The following NDUFB4 variants were observed in gnomAD, a reference collection of about 807,000 sequenced individuals.
The protein encoded by NDUFB4 is NADH dehydrogenase [ubiquinone] 1 beta subcomplex subunit 4.
A neutral mutation model predicts 14.5 loss-of-function variants in NDUFB4; 10 were observed. That is an observed-to-expected ratio of 0.69 (90% CI 0.43 to 1.17). The LOEUF (loss-of-function observed/expected upper bound fraction) is 1.17. Among genes scored for constraint, NDUFB4 ranks in the 50% most tolerant of loss-of-function variants. NDUFB4 has a pLI of 0.00. For synonymous variants in NDUFB4, 65 were observed against 63.4 expected (o/e 1.03, Z -0.12); for missense variants, 165 against 161.1 (o/e 1.02, Z -0.13).
chr3:120,600,418 A>G (rs575263620), intron 1 of NDUFB4, among the ~76,000 whole-genome samples: 1 of 152,260 alleles, frequency 6.6e-6, no homozygotes, highest in African/African-American at 2.4e-5. Context: ...ATTCATGGAT[A>G]GTTATTCTAG....
At position 120,596,359 on chromosome 3, in the gene NDUFB4, G is replaced by A. The variant is rs1353055648; in HGVS notation, c.-1G>A. The A allele has an allele frequency of 6.2e-7, 1 of 1,613,952 alleles. No homozygotes were observed. The highest frequency in any genetic ancestry group is 1.1e-5 in the South Asian group (1 of 91,038). On this transcript the variant is annotated 5_prime_UTR_variant, in exon 1 of 3. Coordinates refer to ENST00000184266, the MANE Select transcript of NDUFB4 (RefSeq NM_004547.6). ...GCGCAATTGTGCCCTGGTTCGCCAA[G>A]ATGTCGTTCCCAAAGTATAAGCCGT...
intron 1 of NDUFB4, among the ~76,000 whole-genome samples, chr3:120,600,136 T>TGAGACGGAGTCTCGCTCTGTCGCCC (rs1940033853): frequency 6.9e-6 from 1 of 144,926 alleles, no homozygotes; most frequent in Admixed American, 6.9e-5. Context: ...TTTTTTTTTT[T>TGAGACGGAGTCTCGCTCTGTCGCCC]AAACTTCTGA....
At chr3:120,598,133 A>G (rs547431953) in intron 1 of NDUFB4, among the ~76,000 whole-genome samples, 1 of 150,880 alleles carries the variant, frequency 6.6e-6, no homozygotes, top group Non-Finnish European at 1.5e-5. Context: ...GCTCACTGCA[A>G]CCTCTGCCTC....
intron 1 of NDUFB4, among the ~76,000 whole-genome samples, chr3:120,597,040 ATATT>A (rs1939973897): frequency 6.8e-6 from 1 of 146,114 alleles, no homozygotes; most frequent in Admixed American, 6.9e-5. Context: ...ATATGCATAT[ATATT>A]ATATTCTATA....
chr3:120,601,644 A>G, intron 2 of NDUFB4: 1 of 1,044,120 alleles, frequency 9.6e-7, no homozygotes, highest in Non-Finnish European at 1.2e-6. Flanking sequence ...TGTGTGGGGA[A>G]TAGCTGCCGT....
chr3:120,602,228 C>T lies in NDUFB4; in HGVS notation c.348C>T (p.Ile116=). 1 of 1,610,894 alleles carries T rather than the reference C, an allele frequency of 6.2e-7. No homozygotes were observed. The part of the protein sequence containing the change: ...KTERDRKEKL[I]QEGKLDRTFH... ...TACAGGATAGGAAAGAAAAACTTAT[C>T]CAGGAAGGAAAATTGGATCGAACAT... Residue 116 remains isoleucine (I), a synonymous_variant, in exon 3 of 3, where the codon ATC becomes ATT. Transcript: ENST00000184266.
In NDUFB4 at chr3:120,602,304, A is replaced by G. The variant is rs2107473241; in HGVS notation, c.*34A>G. The G allele has an allele frequency of 1.3e-6, 2 of 1,525,902 alleles. No homozygotes were observed. The highest frequency in any genetic ancestry group is 2.3e-5 in the East Asian group (1 of 44,416). 94.5% of individuals were successfully genotyped at this position (1,525,902 alleles called of 1,614,324 possible). On this transcript the variant is annotated 3_prime_UTR_variant, in exon 3 of 3. Transcript: ENST00000184266. ...ATGATGACTATATGTATTCCTGCCTAAATAAATCATCTATTAATCATTAAG... is the reference window on the plus strand; with the variant it reads ...ATGATGACTATATGTATTCCTGCCTGAATAAATCATCTATTAATCATTAAG...
chr3:120,601,143 A>C lies in NDUFB4; in HGVS notation c.213A>C (p.Ala71=). ...CTGCCTTGCTTCGTTGGGCCTATGCAAGAACAATAAATGTCTATCCTAATT... is the reference window on the plus strand; with the variant it reads ...CTGCCTTGCTTCGTTGGGCCTATGCCAGAACAATAAATGTCTATCCTAATT... ...ENPALLRWAY[A]RTINVYPNFR... Residue 71 remains alanine (A), a synonymous_variant, in exon 2 of 3, where the codon GCA becomes GCC. Transcript: ENST00000184266. 1 of 1,613,698 alleles carries C rather than the reference A, an allele frequency of 6.2e-7. No individual in the cohort carries two copies. Among genetic ancestry groups the C allele is most frequent in the Non-Finnish European group, 8.5e-7 (1 of 1,179,932 alleles).
At chr3:120,601,945 A>C in intron 2 of NDUFB4, 1 of 1,211,574 alleles carries the variant, frequency 8.3e-7, no homozygotes, top group Non-Finnish European at 1.0e-6. Flanking sequence ...TCTAATGACT[A>C]AAATGTGAGT....
intron 1 of NDUFB4, among the ~76,000 whole-genome samples, chr3:120,599,625 C>G (rs1049377911): frequency 1.3e-5 from 2 of 152,044 alleles, no homozygotes; most frequent in Non-Finnish European, 2.9e-5. Context: ...GAGGAAAACT[C>G]TCTTCATAGT....
At chr3:120,599,648 A>G (rs536432905) in intron 1 of NDUFB4, among the ~76,000 whole-genome samples, 36 of 152,186 alleles carry the variant, frequency 2.4e-4, no homozygotes, top group Admixed American at 5.9e-4. Context: ...GTCTTTTGGA[A>G]CCTCTCAATA....
intron 1 of NDUFB4, 139 bp downstream of exon 1, chr3:120,596,678 C>T (rs1408839882): frequency 1.0e-6 from 1 of 959,532 alleles, no homozygotes; most frequent in East Asian, 2.6e-5. Flanking sequence ...ACTCACTACC[C>T]TTTTACCTTT....
At position 120,601,173 on chromosome 3, in the gene NDUFB4, A is replaced by T. The variant is rs770256637; in HGVS notation, c.243A>T (p.Arg81Ser). The T allele has an allele frequency of 1.2e-4, 195 of 1,613,928 alleles. 1 individual carries two copies. Among genetic ancestry groups the T allele is most frequent in the Non-Finnish European group, 1.6e-4 (191 of 1,179,990 alleles). The change falls in exon 2 of 3, where the codon AGA (arginine) becomes AGT (serine). Residue 81 changes from arginine (R) to serine (S), a missense_variant. Coordinates refer to ENST00000184266, the MANE Select transcript of NDUFB4 (RefSeq NM_004547.6). ...ARTINVYPNF[R>S]PTPKNSLMGA... Reference sequence around the variant, plus strand: ...CAATAAATGTCTATCCTAATTTCAGACCCACTCCTAAAAACTCACTCATGG... The same window carrying T: ...CAATAAATGTCTATCCTAATTTCAGTCCCACTCCTAAAAACTCACTCATGG...
chr3:120,602,342 T>A lies in NDUFB4; in HGVS notation c.*72T>A. The A allele has an allele frequency of 7.3e-7, 1 of 1,364,924 alleles. No homozygotes were observed. The highest frequency in any genetic ancestry group is 1.0e-6 in the Non-Finnish European group (1 of 975,910). 84.6% of individuals were successfully genotyped at this position (1,364,924 alleles called of 1,614,324 possible). On this transcript the variant is annotated 3_prime_UTR_variant, in exon 3 of 3. Coordinates refer to ENST00000184266, the MANE Select transcript of NDUFB4 (RefSeq NM_004547.6). ...ATTAATCATTAAGTAGTAGTTTCTC[T>A]TTCTTAGTATTACCTTGATTCAATG...
At chr3:120,602,059 G>A in intron 2 of NDUFB4, 149 bp from the exon 3 acceptor site, 1 of 1,459,714 alleles carries the variant, frequency 6.9e-7, no homozygotes, top group Non-Finnish European at 9.0e-7. Flanking sequence ...TTGCAATTAG[G>A]TTTGGAGTGT....
chr3:120,602,408 A>T lies in NDUFB4; in HGVS notation c.*138A>T. On this transcript the variant is annotated 3_prime_UTR_variant, in exon 3 of 3. Coordinates refer to ENST00000184266, the MANE Select transcript of NDUFB4 (RefSeq NM_004547.6). ...ACCCTAACAACACAGAAGCAGACGCAGCCCGTGTTGGGAATCTGCTGTCAG... is the reference window on the plus strand; with the variant it reads ...ACCCTAACAACACAGAAGCAGACGCTGCCCGTGTTGGGAATCTGCTGTCAG... 1 of 759,996 alleles carries T rather than the reference A, an allele frequency of 1.3e-6. No individual in the cohort carries two copies. Among genetic ancestry groups the T allele is most frequent in the Non-Finnish European group, 2.1e-6 (1 of 483,768 alleles). 47.1% of individuals were successfully genotyped at this position (759,996 alleles called of 1,614,324 possible).
At position 120,596,762 on chromosome 3, in the gene NDUFB4, TC is replaced by T; in HGVS notation, c.180+225del. On this transcript the variant is annotated intron_variant, in intron 1 of 2. Transcript: ENST00000184266. ...GGGTTTGAATCCTGGCTTGATCACT[TC>T]CTGCCTGCGTGACCTTAAGAACGTT... 4 of 557,006 alleles carry T rather than the reference TC, an allele frequency of 7.2e-6. 1 individual carries two copies. The highest frequency in any genetic ancestry group is 1.9e-5 in the African/African-American group (1 of 53,052). The allele number at this position is 557,006 out of a possible 1,614,324, so 34.5% of individuals were successfully genotyped here.
rs777759840 is a variant in NDUFB4 at position 120,596,347 on chromosome 3, C to G, written c.-13C>G. 1 of 1,613,760 alleles carries G rather than the reference C, an allele frequency of 6.2e-7. No homozygotes were observed. Among genetic ancestry groups the G allele is most frequent in the Non-Finnish European group, 8.5e-7 (1 of 1,179,860 alleles). ...AGAATCGCGCAGGCGCAATTGTGCC[C>G]TGGTTCGCCAAGATGTCGTTCCCAA... is the stretch of plus-strand genomic sequence containing the variant. On this transcript the variant is annotated 5_prime_UTR_variant, in exon 1 of 3. Transcript: ENST00000184266.
Position 120,596,552 on chromosome 3 carries a change from C to T in NDUFB4, c.180+13C>T. 6.2e-7 allele frequency: 1 copy of T among 1,612,396 alleles called. No homozygotes were observed. The highest frequency in any genetic ancestry group is 8.5e-7 in the Non-Finnish European group (1 of 1,179,212). On this transcript the variant is annotated intron_variant, in intron 1 of 2. Transcript: ENST00000184266. ...CCGAGGGCTCATCGTGAGTGTGGGG[C>T]CTCCCAGGCGGGAATAGGGCCCGAG...
Sources: gnomAD v4.1 joint callset for allele counts (sites outside exome capture counted in the v4.1 genomes callset) on GRCh38, gnomAD v4.1.1 for gene constraint, MANE v1.5 for transcripts, NCBI Gene and HGNC (gene_info 2026-07-23, HGNC 2026-07-21) for gene names.